The following DRC3 variants were observed in gnomAD, a reference collection of about 807,000 sequenced individuals.
DRC3 encodes dynein regulatory complex subunit 3.
Under a neutral mutation model 57.6 loss-of-function variants are expected in DRC3, and 45 were observed. The ratio of observed to expected loss-of-function variants is 0.78; its 90% confidence interval spans 0.62 to 1.00. The LOEUF is 1.00. Ranked by LOEUF, DRC3 falls within the 50% of genes least tolerant of loss-of-function variation. The pLI, the probability that DRC3 is intolerant of heterozygous loss-of-function variation, is 0.00. For synonymous variants in DRC3, 257 were observed against 272.3 expected, an observed-to-expected ratio of 0.94 and a Z score of 0.55; for missense variants, 655 against 675.2, an observed-to-expected ratio of 0.97 and a Z score of 0.33.
At chr17:18,004,560 T>G (rs2043876317) in intron 10 of DRC3, 66 bp downstream of exon 10, 2 of 1,557,628 alleles carry the variant, frequency 1.3e-6, no homozygotes, top group Admixed American at 3.8e-5. Context: ...ATAGGTGAAC[T>G]GTAGCCTTCA....
intron 7 of DRC3, 137 bp downstream of exon 7, chr17:17,994,555 C>T (rs575325277): frequency 2.5e-4 from 311 of 1,236,164 alleles, no homozygotes; most frequent in Non-Finnish European, 1.2e-4. Context: ...GCCTGATGCC[C>T]TCTCCCTTCC....
chr17:17,987,975 A>G lies in DRC3; in HGVS notation c.321A>G (p.Thr107=), dbSNP rs1343474727. 6.2e-7 allele frequency: 1 copy of G among 1,613,958 alleles called. No homozygotes were observed. The highest frequency in any genetic ancestry group is 2.2e-5 in the East Asian group (1 of 44,880). Residue 107 remains threonine, a synonymous_variant, in exon 5 of 14, where the codon ACA becomes ACG. Transcript: ENST00000399187. ...NNIETIEGLD[T]LVNLEDLSLF... The stretch of plus-strand genomic sequence containing the variant: ...TTGAGACCATCGAGGGGCTGGACAC[A>G]CTGGTGAACCTGGAGGACCTGAGCT...
intron 10 of DRC3, chr17:18,005,094 C>T (rs1243065567): frequency 6.5e-6 from 1 of 152,676 alleles, no homozygotes; most frequent in Non-Finnish European, 1.5e-5. Flanking sequence ...GGATAGATTT[C>T]CCCATCACAT....
rs565211645 is a variant in DRC3 at position 17,997,527 on chromosome 17, C to T, written c.892C>T (p.Arg298Trp). ...GTATGGCCTGAAACAGCAGGAGAAG[C>T]GGAAAACAGAGCTTGACACCTTCAG... ...FEYGLKQQEK[R>W]KTELDTFSEC... is the part of the protein sequence containing the mutation. The change falls in exon 9 of 14, where the codon CGG (arginine) becomes TGG (tryptophan). Residue 298 changes from arginine (R) to tryptophan (W), a missense_variant. Arg to Trp is a moderately radical substitution (Grantham distance 101). Transcript: ENST00000399187. The T allele has an allele frequency of 1.2e-5, 20 of 1,611,370 alleles. No homozygotes were observed. Among genetic ancestry groups the T allele is most frequent in the Middle Eastern group, 1.7e-4 (1 of 6,054 alleles).
At chr17:17,974,069 A>T (rs1298459806) in intron 2 of DRC3, 107 bp downstream of exon 2, 1 of 152,288 alleles carries the variant, frequency 6.6e-6, no homozygotes, top group African/African-American at 2.4e-5. Context: ...AAACACTGTG[A>T]GCTGTGGCAA....
At chr17:17,986,088 T>C (rs1459275797) in intron 4 of DRC3, among the ~76,000 whole-genome samples, 2 of 152,098 alleles carry the variant, frequency 1.3e-5, no homozygotes. Context: ...ATTTTTGTAT[T>C]TTTAGTAGAA....
chr17:18,006,156 G>A, intron 10 of DRC3, 27 bp from the exon 11 acceptor site: 1 of 1,563,412 alleles, frequency 6.4e-7, no homozygotes, highest in Non-Finnish European at 8.8e-7. Flanking sequence ...AAATATGCAT[G>A]TTAACTGTGT....
chr17:18,012,542 C>T (rs1171249742), intron 12 of DRC3, among the ~76,000 whole-genome samples: 1 of 152,116 alleles, frequency 6.6e-6, no homozygotes, highest in Non-Finnish European at 1.5e-5. Context: ...ATTAGCTGGG[C>T]ATGGTGGTAC....
intron 10 of DRC3, 166 bp downstream of exon 10, chr17:18,004,660 T>C: frequency 1.5e-6 from 1 of 665,216 alleles, no homozygotes. Context: ...TTTTATTACA[T>C]TTTAATCATT....
rs143953451 is a variant in DRC3 at position 17,980,668 on chromosome 17, C to T, written c.160+2910C>T. 4.4e-3 allele frequency among the ~76,000 whole-genome samples: 646 copies of T among 148,306 alleles called. 5 individuals are homozygous for T. The highest frequency in any genetic ancestry group is 0.016 in the African/African-American group (623 of 39,880). On this transcript the variant is annotated intron_variant, in intron 3 of 13. Coordinates refer to ENST00000399187, the MANE Select transcript of DRC3 (RefSeq NM_031294.4). ...AGAGTGCAGTGGCACGATCTAGGCT[C>T]ACTGCAACCTTCACCTCCCGGGTTC... is the stretch of plus-strand genomic sequence containing the variant.
chr17:17,992,309 T>A (rs1248043293), intron 5 of DRC3, among the ~76,000 whole-genome samples: 2 of 152,314 alleles, frequency 1.3e-5, no homozygotes, highest in Admixed American at 6.5e-5. Context: ...AAAAGATTTT[T>A]AAAAAATAAA....
intron 5 of DRC3, among the ~76,000 whole-genome samples, chr17:17,992,204 G>T (rs1322815674): frequency 1.3e-5 from 2 of 152,184 alleles, no homozygotes; most frequent in Non-Finnish European, 2.9e-5. Flanking sequence ...GAACCCGGGA[G>T]GCAGAGGTTG....
intron 3 of DRC3, among the ~76,000 whole-genome samples, chr17:17,982,715 C>T (rs2042760316): frequency 6.6e-6 from 1 of 151,636 alleles, no homozygotes; most frequent in Non-Finnish European, 1.5e-5. Context: ...GCTGGGACTA[C>T]AGACGTGCAC....
chr17:18,015,765 G>A (rs2044337192), intron 12 of DRC3: 3 of 307,298 alleles, frequency 9.8e-6, no homozygotes, highest in African/African-American at 2.1e-5. Context: ...CCTGGGTGAG[G>A]TGCCCCCTGG....
chr17:18,016,476 C>A, intron 13 of DRC3, 82 bp from the exon 14 acceptor site: 1 of 1,042,130 alleles, frequency 9.6e-7, no homozygotes, highest in Non-Finnish European at 1.4e-6. Flanking sequence ...GAACTATTTT[C>A]CCCTTCCCTC....
chr17:17,993,050 CT>C, intron 6 of DRC3, 139 bp downstream of exon 6: 1 of 837,232 alleles, frequency 1.2e-6, no homozygotes, highest in Non-Finnish European at 1.8e-6. Context: ...TTCCTAATCC[CT>C]TTACCTGACT....
Position 17,999,946 on chromosome 17 carries a change from G to A in DRC3, c.999+2312G>A, listed in dbSNP as rs118150903. Reference sequence around the variant, plus strand: ...TGTGTGTGTGCGTGCGTGCACACGCGCACATAGCATGCCCTATTCTGTACT... The same window carrying A: ...TGTGTGTGTGCGTGCGTGCACACGCACACATAGCATGCCCTATTCTGTACT... On this transcript the variant is annotated intron_variant, in intron 9 of 13. Coordinates refer to ENST00000399187, the MANE Select transcript of DRC3 (RefSeq NM_031294.4). Among the ~76,000 whole-genome samples, 1,046 of 151,226 alleles carry A rather than the reference G, an allele frequency of 6.9e-3. 5 individuals are homozygous for A. Among genetic ancestry groups the A allele is most frequent in the Non-Finnish European group, 0.01 (703 of 67,742 alleles).
intron 12 of DRC3, 36 bp from the exon 13 acceptor site, chr17:18,016,025 TGAC>T (rs1161801481): frequency 1.2e-6 from 2 of 1,608,862 alleles, no homozygotes; most frequent in Non-Finnish European, 8.5e-7. Flanking sequence ...CACGGTATAA[TGAC>T]ACACACTTTC....
chr17:17,997,548 T>G lies in DRC3; in HGVS notation c.913T>G (p.Phe305Val). ...QEKRKTELDT[F>V]SECVREAIQE... ...GAAGCGGAAAACAGAGCTTGACACC[T>G]TCAGTGAATGTGTCCGTGAGGCCAT... The change falls in exon 9 of 14, where the codon TTC (phenylalanine) becomes GTC (valine). Residue 305 changes from phenylalanine to valine, a missense_variant. Coordinates refer to ENST00000399187, the MANE Select transcript of DRC3 (RefSeq NM_031294.4). 6.2e-7 allele frequency: 1 copy of G among 1,610,952 alleles called. No homozygotes were observed. The highest frequency in any genetic ancestry group is 8.5e-7 in the Non-Finnish European group (1 of 1,178,744).
Sources: allele counts gnomAD v4.1 joint callset (sites outside exome capture counted in the v4.1 genomes callset), GRCh38; gene constraint gnomAD v4.1.1; transcripts MANE v1.5; gene names NCBI Gene and HGNC (gene_info 2026-07-23, HGNC 2026-07-21).